The following LHPP variants were observed in gnomAD, a reference collection of about 807,000 sequenced individuals.
The protein encoded by LHPP is phospholysine phosphohistidine inorganic pyrophosphate phosphatase, also known as hLHPP.
LHPP carries 24 observed loss-of-function variants against 30.3 expected under a neutral mutation model. The ratio of observed to expected loss-of-function variants is 0.79; its 90% CI spans 0.57 to 1.11. LHPP has a LOEUF of 1.11. LHPP is among the 50% of genes most tolerant of loss of function. The probability of loss-of-function intolerance (pLI) is 0.00; values close to 1 mark genes in which losing one functional copy is unlikely to be tolerated. For missense variants in LHPP, 356 were observed against 367.2 expected (o/e 0.97, Z 0.25); for synonymous variants, 150 against 157.1 (o/e 0.95, Z 0.34).
chr10:124,473,307 G>A (rs765346900), intron 1 of LHPP, among the ~76,000 whole-genome samples: 1 of 152,154 alleles, frequency 6.6e-6, no homozygotes, highest in Admixed American at 6.5e-5. Flanking sequence ...CCAGGCCCCC[G>A]GCAACAGGCA....
intron 6 of LHPP, among the ~76,000 whole-genome samples, chr10:124,556,134 A>G (rs1394425346): frequency 1.3e-5 from 2 of 151,912 alleles, no homozygotes; most frequent in East Asian, 3.8e-4. Context: ...AAACTTCAGT[A>G]AACTGAAGAA....
At chr10:124,471,410 T>C (rs1263650692) in intron 1 of LHPP, among the ~76,000 whole-genome samples, 1 of 50,594 alleles carries the variant, frequency 2.0e-5, no homozygotes, top group African/African-American at 6.8e-5. Context: ...AATATATATA[T>C]TTATATATTA....
chr10:124,515,990 TGGA>T (rs753843645), intron 5 of LHPP, among the ~76,000 whole-genome samples: 14,711 of 152,302 alleles, frequency 0.097, 1,037 homozygotes, highest in South Asian at 0.31. Context: ...CCCTGTCCTG[TGGA>T]CTCTGCTCCT....
chr10:124,500,164 CTT>C (rs74428357), intron 5 of LHPP, among the ~76,000 whole-genome samples: 1 of 151,806 alleles, frequency 6.6e-6, no homozygotes, highest in Admixed American at 6.6e-5. Context: ...CTTCTATCCT[CTT>C]TTTTTTCCTT....
chr10:124,508,016 G>T (rs1954199449), intron 5 of LHPP, among the ~76,000 whole-genome samples: 1 of 151,880 alleles, frequency 6.6e-6, no homozygotes, highest in South Asian at 2.1e-4. Context: ...TTATCCAGAG[G>T]CCTGGCCATA....
chr10:124,583,431 C>G (rs1196672938), intron 6 of LHPP, among the ~76,000 whole-genome samples: 1 of 152,170 alleles, frequency 6.6e-6, no homozygotes, highest in East Asian at 1.9e-4. Flanking sequence ...TCATGGCACA[C>G]TTGTCAAAAA....
intron 6 of LHPP, among the ~76,000 whole-genome samples, chr10:124,610,536 A>G (rs71488623): frequency 0.42 from 4,669 of 11,244 alleles, 1,971 homozygotes; most frequent in Middle Eastern, 0.69. Flanking sequence ...GAGGGTGCTG[A>G]TGGAGCGGGT....
intron 6 of LHPP, among the ~76,000 whole-genome samples, chr10:124,546,981 C>T (rs747376400): frequency 2.6e-5 from 4 of 152,136 alleles, no homozygotes; most frequent in Non-Finnish European, 5.9e-5. Context: ...CCGCCTCCCA[C>T]CCAGATTTAG....
intron 6 of LHPP, among the ~76,000 whole-genome samples, chr10:124,550,257 C>T (rs1303866541): frequency 6.6e-6 from 1 of 152,244 alleles, no homozygotes; most frequent in Non-Finnish European, 1.5e-5. Context: ...ATGGCCTCTG[C>T]CCCCAGGCAG....
At position 124,496,923 on chromosome 10, in the gene LHPP, G is replaced by A. The variant is rs368736291; in HGVS notation, c.468-38G>A. The A allele has an allele frequency of 6.3e-6, 10 of 1,588,080 alleles. No individual in the cohort carries two copies. The highest frequency in any genetic ancestry group is 3.4e-5 in the Admixed American group (2 of 58,280). On this transcript the variant is annotated intron_variant, in intron 3 of 6. Transcript: ENST00000368842. This position sits in a 1 kb window ranked among gnomAD's most constrained non-coding sequence, Gnocchi z 4.3. ...CTTAGCATCCTGCGGTCAGCTCCCC[G>A]TGCTCAGCATCCCGTGCTCCGTTCT...
rs544369030 is a variant in LHPP at position 124,506,525 on chromosome 10, C to T, written c.624+8397C>T. 4.0e-5 allele frequency among the ~76,000 whole-genome samples: 6 copies of T among 151,618 alleles called. No individual in the cohort carries two copies. The East Asian group carries it at 1.2e-3, about 30-fold the overall frequency. On this transcript the variant is annotated intron_variant, in intron 5 of 6. Coordinates refer to ENST00000368842, the MANE Select transcript of LHPP (RefSeq NM_022126.4). The stretch of plus-strand genomic sequence containing the variant: ...AACTCTAGTACTGAACCCAAGATTA[C>T]TTTGCCAATGAGGAGTGAAGCCAGG...
intron 6 of LHPP, among the ~76,000 whole-genome samples, chr10:124,603,788 G>A (rs540865892): frequency 5.8e-4 from 89 of 152,290 alleles, no homozygotes; most frequent in African/African-American, 1.8e-3. Context: ...GGGTCCCCAC[G>A]CTGGGCTCCG....
intron 6 of LHPP, among the ~76,000 whole-genome samples, chr10:124,540,676 T>G (rs1447272220): frequency 1.3e-5 from 2 of 152,174 alleles, no homozygotes; most frequent in African/African-American, 4.8e-5. Context: ...CGGTGCTCCA[T>G]GGTTTGACTC....
At chr10:124,487,824 C>T (rs2133855136) in intron 2 of LHPP, among the ~76,000 whole-genome samples, 1 of 152,260 alleles carries the variant, frequency 6.6e-6, no homozygotes, top group South Asian at 2.1e-4. Flanking sequence ...TCTGAAAACA[C>T]AGATCCAATG....
chr10:124,527,419 T>C (rs1178872964), intron 6 of LHPP, among the ~76,000 whole-genome samples: 1 of 152,190 alleles, frequency 6.6e-6, no homozygotes, highest in African/African-American at 2.4e-5. Flanking sequence ...GTGCACAGGT[T>C]CCTCTGTGTC....
At chr10:124,462,810 C>G (rs1242349900) in intron 1 of LHPP, among the ~76,000 whole-genome samples, 1 of 152,076 alleles carries the variant, frequency 6.6e-6, no homozygotes, top group Admixed American at 6.5e-5. Context: ...TGATTCTCCC[C>G]CTTCAGGCTC....
chr10:124,568,071 G>A (rs1009389484), intron 6 of LHPP, among the ~76,000 whole-genome samples: 4 of 151,928 alleles, frequency 2.6e-5, no homozygotes, highest in Non-Finnish European at 5.9e-5. Context: ...GTGCCACCAC[G>A]CCCGGCTAAT....
chr10:124,599,805 T>C (rs1948998500), intron 6 of LHPP, among the ~76,000 whole-genome samples: 1 of 152,202 alleles, frequency 6.6e-6, no homozygotes, highest in South Asian at 2.1e-4. Flanking sequence ...TCGTGCTCTG[T>C]GGACAGAGCC....
At chr10:124,490,029 G>T (rs55717436) in intron 3 of LHPP, 3,937 of 171,864 alleles carry the variant, frequency 0.023, 63 homozygotes, top group Non-Finnish European at 0.033. Flanking sequence ...ATCTCTCTCT[G>T]TCTGTGGGTA....
Sources: gnomAD v4.1 joint callset for allele counts (sites outside exome capture counted in the v4.1 genomes callset) on GRCh38, gnomAD v4.1.1 for gene constraint, Gnocchi (gnomAD v3.1) non-coding constraint, MANE v1.5 for transcripts, NCBI Gene and HGNC (gene_info 2026-07-23, HGNC 2026-07-21) for gene names.